Variants in ZFHX4 observed in about 807,000 individuals in gnomAD.
ZFHX4 encodes zinc finger homeobox protein 4.
Under a neutral mutation model 267.6 loss-of-function variants are expected in ZFHX4, and 56 were observed. The observed-to-expected ratio is 0.21, with a 90% confidence interval of 0.17 to 0.26. The LOEUF (loss-of-function observed/expected upper bound fraction) is 0.26. ZFHX4 is among the 10% of genes least tolerant of loss of function. ZFHX4 has a pLI of 1.00. For missense variants in ZFHX4, 4,332 were observed against 4,420.0 expected (o/e 0.98, Z 0.56); for synonymous variants, 1,778 against 1,665.6 (o/e 1.07, Z -1.64).
chr8:76,738,240 A>G (rs754799115), intron 3 of ZFHX4, among the ~76,000 whole-genome samples: 1 of 152,114 alleles, frequency 6.6e-6, no homozygotes, highest in African/African-American at 2.4e-5. Flanking sequence ...TGCCCCCATT[A>G]AGATCCTGAG....
intron 1 of ZFHX4, among the ~76,000 whole-genome samples, chr8:76,699,165 T>A (rs1220849256): frequency 6.6e-6 from 1 of 152,194 alleles, no homozygotes; most frequent in Non-Finnish European, 1.5e-5. Context: ...CTACGCAGAT[T>A]GCATTTACTT....
rs139441830 is a variant in ZFHX4 at position 76,830,795 on chromosome 8, A to G, written c.3326-2543A>G. Among the ~76,000 whole-genome samples, 840 of 152,290 alleles carry G rather than the reference A, an allele frequency of 5.5e-3. 11 individuals are homozygous for G. Among genetic ancestry groups the G allele is most frequent in the African/African-American group, 0.019 (805 of 41,576 alleles). On this transcript the variant is annotated intron_variant, in intron 4 of 10. Transcript: ENST00000651372. ...AGTAACTTTAATATGGCACCAAATTATTATTTGGTTATATTTTATATTCAA... is the reference window on the plus strand; with the variant it reads ...AGTAACTTTAATATGGCACCAAATTGTTATTTGGTTATATTTTATATTCAA...
intron 10 of ZFHX4, among the ~76,000 whole-genome samples, chr8:76,856,760 C>T (rs1337730681): frequency 6.6e-6 from 1 of 152,154 alleles, no homozygotes; most frequent in African/African-American, 2.4e-5. Context: ...CGCCGCCACC[C>T]TGTGACACCC....
Position 76,705,564 on chromosome 8 carries a change from C to T in ZFHX4, c.1476C>T (p.Thr492=), listed in dbSNP as rs771878230. The T allele has an allele frequency of 1.7e-5, 28 of 1,613,380 alleles. No individual in the cohort carries two copies. In the Middle Eastern group the frequency reaches 4.9e-4, roughly 28 times the overall value. ...LDDEEVLGEL[T]DSIGNKDFPL... is the part of the protein sequence containing the mutation. ...ACGAGGAAGTATTAGGTGAACTCAC[C>T]GATAGTATTGGTAACAAAGATTTCC... The change falls in exon 2 of 11, where the codon ACC becomes ACT. Residue 492 remains threonine, a synonymous_variant. Transcript: ENST00000651372.
At chr8:76,800,178 A>G (rs772876270) in intron 4 of ZFHX4, among the ~76,000 whole-genome samples, 3 of 152,154 alleles carry the variant, frequency 2.0e-5, no homozygotes, top group Non-Finnish European at 2.9e-5. Context: ...GCACATCCTG[A>G]CAGTCCTCTG....
intron 5 of ZFHX4, among the ~76,000 whole-genome samples, chr8:76,836,648 G>A (rs537805997): frequency 6.8e-4 from 103 of 152,088 alleles, no homozygotes; most frequent in African/African-American, 2.3e-3. Context: ...AGAAAAGTAG[G>A]CAAGGGCTTA....
rs760077233 is a variant in ZFHX4, at chr8:76,855,778, A to G, written c.8857A>G (p.Thr2953Ala). The change falls in exon 10 of 11, where the codon ACT (threonine) becomes GCT (alanine). Residue 2953 changes from threonine (T) to alanine (A), a missense_variant. Thr to Ala is a moderately conservative substitution (Grantham distance 58). Around this residue, in one of 7 missense-constraint regions of ZFHX4, gnomAD observed 1,648 missense variants for 1,625.0 expected, o/e 1.01. Coordinates refer to ENST00000651372, the MANE Select transcript of ZFHX4 (RefSeq NM_024721.5). Reference protein sequence around the residue: ...VLKACFSDYRTPTMQECEMLG... With the variant: ...VLKACFSDYRAPTMQECEMLG... ...CAAGGCTTGCTTTAGTGACTACCGA[A>G]CTCCAACCATGCAAGAATGTGAAAT... is the stretch of plus-strand genomic sequence containing the variant. 1 of 1,613,904 alleles carries G rather than the reference A, an allele frequency of 6.2e-7. No homozygotes were observed. Among genetic ancestry groups the G allele is most frequent in the South Asian group, 1.1e-5 (1 of 91,072 alleles).
In ZFHX4 at chr8:76,806,844, T is replaced by C. The variant is rs530996840; in HGVS notation, c.3326-26494T>C. The stretch of plus-strand genomic sequence containing the variant: ...TTCATAAAGATGCCTTTTTCACCTC[T>C]TTGATGTGATAAGGAAGTGTTAAAT... On this transcript the variant is annotated intron_variant, in intron 4 of 10. Coordinates refer to ENST00000651372, the MANE Select transcript of ZFHX4 (RefSeq NM_024721.5). 3.2e-4 allele frequency among the ~76,000 whole-genome samples: 49 copies of C among 152,226 alleles called. 1 individual carries two copies. In the South Asian group the frequency reaches 0.01, roughly 32 times the overall value.
rs1225240449 is a variant in ZFHX4, at chr8:76,866,798, G to GAAAAA, written c.*2239_*2243dup. ...TACAACTGCACAGCAGCCAAAAAAAGAAAAAAAAAAGAAAAAAAACTTTAA... is the reference window on the plus strand; with the variant it reads ...TACAACTGCACAGCAGCCAAAAAAAGAAAAAAAAAAAAAAAGAAAAAAAACTTTAA... On this transcript the variant is annotated 3_prime_UTR_variant, in exon 11 of 11. Transcript: ENST00000651372. 1.7e-5 allele frequency: 1 copy of GAAAAA among 59,102 alleles called. No homozygotes were observed. The highest frequency in any genetic ancestry group is 3.1e-5 in the Non-Finnish European group (1 of 32,122). 3.7% of individuals were successfully genotyped at this position (59,102 alleles called of 1,614,324 possible). A position where few individuals can be genotyped will look rare whatever the true frequency, so the allele number is the denominator to read the frequency against.
chr8:76,714,035 T>G (rs17435394), intron 3 of ZFHX4, among the ~76,000 whole-genome samples: 4,981 of 152,306 alleles, frequency 0.033, 110 homozygotes, highest in Non-Finnish European at 0.046. Flanking sequence ...TACATTTTTT[T>G]GTGTAACTTG....
chr8:76,718,575 T>G (rs943320796), intron 3 of ZFHX4, among the ~76,000 whole-genome samples: 1 of 152,168 alleles, frequency 6.6e-6, no homozygotes, highest in Non-Finnish European at 1.5e-5. Context: ...GCAAGGGGAA[T>G]TTACAAATAA....
At chr8:76,829,390 T>C (rs1354237441) in intron 4 of ZFHX4, among the ~76,000 whole-genome samples, 1 of 151,928 alleles carries the variant, frequency 6.6e-6, no homozygotes, top group Non-Finnish European at 1.5e-5. Context: ...ATATTGCTTG[T>C]ACAGGGAAGG....
intron 3 of ZFHX4, among the ~76,000 whole-genome samples, chr8:76,726,432 A>G (rs1808855336): frequency 6.6e-6 from 1 of 152,166 alleles, no homozygotes; most frequent in African/African-American, 2.4e-5. Context: ...CCATCTCATC[A>G]AGAGGCCCAT....
chr8:76,796,162 G>C (rs986495456), intron 4 of ZFHX4, among the ~76,000 whole-genome samples: 1 of 151,986 alleles, frequency 6.6e-6, no homozygotes, highest in Non-Finnish European at 1.5e-5. Context: ...TGACTTGAAT[G>C]GACAGTTTAT....
At chr8:76,789,792 A>G (rs2131802792) in intron 4 of ZFHX4, among the ~76,000 whole-genome samples, 1 of 152,282 alleles carries the variant, frequency 6.6e-6, no homozygotes, top group African/African-American at 2.4e-5. Flanking sequence ...CTGTTTCATT[A>G]GTGTCTTTGT....
At chr8:76,781,128 T>C (rs919832312) in intron 4 of ZFHX4, among the ~76,000 whole-genome samples, 2 of 152,112 alleles carry the variant, frequency 1.3e-5, no homozygotes, top group Non-Finnish European at 2.9e-5. Context: ...TGCTAAGATA[T>C]TGAATTGTGA....
chr8:76,823,474 C>G (rs1277609682), intron 4 of ZFHX4, among the ~76,000 whole-genome samples: 5 of 152,140 alleles, frequency 3.3e-5, no homozygotes, highest in African/African-American at 1.2e-4. Context: ...GCACATTTTT[C>G]ATCTTGGCTC....
chr8:76,756,634 C>A (rs770913869), intron 3 of ZFHX4, among the ~76,000 whole-genome samples: 4 of 151,892 alleles, frequency 2.6e-5, no homozygotes, highest in Non-Finnish European at 5.9e-5. Flanking sequence ...TTTTCTCAAT[C>A]ATTTCGTCAA....
chr8:76,758,824 T>G (rs543770525), intron 3 of ZFHX4, among the ~76,000 whole-genome samples: 2 of 152,278 alleles, frequency 1.3e-5, no homozygotes, highest in African/African-American at 4.8e-5. Flanking sequence ...TTATGACTCC[T>G]GAGCTTGAAA....
Sources: allele counts gnomAD v4.1 joint callset (sites outside exome capture counted in the v4.1 genomes callset), GRCh38; gene constraint gnomAD v4.1.1; regional missense constraint gnomAD v4.1.1; transcripts MANE v1.5; gene names NCBI Gene and HGNC (gene_info 2026-07-23, HGNC 2026-07-21).